Variants in LAG3 observed in about 807,000 individuals in gnomAD.
The protein encoded by LAG3 is lymphocyte activating 3, also known as lymphocyte activation gene 3 protein.
In LAG3, 29 loss-of-function variants were observed where a neutral mutation model predicts 49.0. The ratio of observed to expected loss-of-function variants is 0.59; its 90% confidence interval spans 0.44 to 0.81. The LOEUF is 0.81. Among genes scored for constraint, LAG3 ranks in the 30% least tolerant of loss-of-function variants. The probability of loss-of-function intolerance (pLI) is 0.00; values close to 1 mark genes in which losing one functional copy is unlikely to be tolerated. For missense variants in LAG3, 693 were observed against 695.2 expected, an observed-to-expected ratio of 1.00 and a Z score of 0.04; for synonymous variants, 320 against 297.3, an observed-to-expected ratio of 1.08 and a Z score of -0.79.
rs1565481991 is a variant in LAG3 at position 6,774,845 on chromosome 12, G to GTA, written c.765_766dup (p.Asn256IlefsTer14). On this transcript the variant is annotated frameshift_variant, in exon 4 of 8. Coordinates refer to ENST00000203629, the MANE Select transcript of LAG3 (RefSeq NM_002286.6). LOFTEE classifies it high-confidence loss of function. ...GAGATGGCTTCAACGTCTCCATCATGTATAACCTCACTGTTCTGGGTAACT... is the reference window on the plus strand; with the variant it reads ...GAGATGGCTTCAACGTCTCCATCATGTATATAACCTCACTGTTCTGGGTAACT... 5 of 1,613,920 alleles carry GTA rather than the reference G, an allele frequency of 3.1e-6. No homozygotes were observed. The highest frequency in any genetic ancestry group is 4.2e-6 in the Non-Finnish European group (5 of 1,179,862).
intron 4 of LAG3, 70 bp downstream of exon 4, chr12:6,774,934 A>G (rs1941889136): frequency 1.4e-6 from 2 of 1,450,382 alleles, no homozygotes; most frequent in South Asian, 1.3e-5. Flanking sequence ...TCCCCTAACT[A>G]TGGGTCCCCA....
chr12:6,773,115 G>T lies in LAG3; in HGVS notation c.59-77G>T. 6.6e-7 allele frequency: 1 copy of T among 1,521,750 alleles called. No homozygotes were observed. 94.3% of individuals were successfully genotyped at this position (1,521,750 alleles called of 1,614,324 possible). On this transcript the variant is annotated intron_variant, in intron 1 of 7. Coordinates refer to ENST00000203629, the MANE Select transcript of LAG3 (RefSeq NM_002286.6). This position sits in a 1 kb window ranked among gnomAD's most constrained non-coding sequence, Gnocchi z 5.5. ...TTCCTGCACCCTGTTTCTCCCTCGGGAAACACCCAGGCTCCTTCTCTACCC... is the reference window on the plus strand; with the variant it reads ...TTCCTGCACCCTGTTTCTCCCTCGGTAAACACCCAGGCTCCTTCTCTACCC...
At position 6,778,431 on chromosome 12, in the gene LAG3, CA is replaced by C; in HGVS notation, c.*44del. The C allele has an allele frequency of 6.3e-7, 1 of 1,591,330 alleles. No homozygotes were observed. Among genetic ancestry groups the C allele is most frequent in the Non-Finnish European group, 8.5e-7 (1 of 1,174,282 alleles). ...GCCAGCAGATCTCAGCAGCCCAGTC[CA>C]AATAAACTCCCTGTCAGCAGCAAGC... On this transcript the variant is annotated 3_prime_UTR_variant, in exon 8 of 8. Coordinates refer to ENST00000203629, the MANE Select transcript of LAG3 (RefSeq NM_002286.6).
chr12:6,774,787 A>G lies in LAG3; in HGVS notation c.704A>G (p.Asp235Gly). ...FLFLPQVSPMDSGPWGCILTY... is the reference protein window; with the variant it reads ...FLFLPQVSPMGSGPWGCILTY... ...TTCCTGCCCCAAGTCAGCCCCATGG[A>G]CTCTGGGCCCTGGGGCTGCATCCTC... The change falls in exon 4 of 8, where the codon GAC becomes GGC. Residue 235 changes from aspartate (D) to glycine (G), a missense_variant. Asp to Gly is a moderately conservative substitution (Grantham distance 94). Transcript: ENST00000203629. 6.2e-7 allele frequency: 1 copy of G among 1,613,528 alleles called. No individual in the cohort carries two copies. Among genetic ancestry groups the G allele is most frequent in the Non-Finnish European group, 8.5e-7 (1 of 1,179,708 alleles).
At chr12:6,774,896 A>C in intron 4 of LAG3, 32 bp downstream of exon 4, 1 of 1,587,596 alleles carries the variant, frequency 6.3e-7, no homozygotes, top group African/African-American at 1.3e-5. Context: ...ACATTTGACC[A>C]CAACTCCTTC....
chr12:6,772,772 A>AG lies in LAG3; in HGVS notation c.-81_-80insG. The AG allele has an allele frequency of 1.6e-6, 1 of 637,470 alleles. No individual in the cohort carries two copies. The highest frequency in any genetic ancestry group is 2.6e-6 in the Non-Finnish European group (1 of 383,864). 39.5% of individuals were successfully genotyped at this position (637,470 alleles called of 1,614,324 possible). On this transcript the variant is annotated 5_prime_UTR_variant, in exon 1 of 8. Transcript: ENST00000203629. The stretch of plus-strand genomic sequence containing the variant: ...TCCCTCTCTGCAGAACTTCTCCTTT[A>AG]CCCCCCACCCCCCACCACTGCCCCC...
chr12:6,775,129 T>G (rs1478982096), intron 4 of LAG3, 144 bp from the exon 5 acceptor site: 4 of 1,016,824 alleles, frequency 3.9e-6, no homozygotes, highest in Non-Finnish European at 5.8e-6. Context: ...CTGAGCCTCC[T>G]CAGCTCATCA....
rs779529189 is a variant in LAG3, at chr12:6,777,779, C to G, written c.1301-12C>G. ...TCCTGACCCTATGCCTCATCCTGTACTTTCTCCATAGGTGCCCAACGCTCT... is the reference window on the plus strand; with the variant it reads ...TCCTGACCCTATGCCTCATCCTGTAGTTTCTCCATAGGTGCCCAACGCTCT... On this transcript the variant is annotated splice_polypyrimidine_tract_variant and intron_variant, in intron 6 of 7. Transcript: ENST00000203629. 1 of 1,613,778 alleles carries G rather than the reference C, an allele frequency of 6.2e-7. No individual in the cohort carries two copies. Among genetic ancestry groups the G allele is most frequent in the Non-Finnish European group, 8.5e-7 (1 of 1,179,868 alleles).
In LAG3 at chr12:6,777,122, G is replaced by A. The variant is rs138292393; in HGVS notation, c.1058-142G>A. On this transcript the variant is annotated intron_variant, in intron 5 of 7. Coordinates refer to ENST00000203629, the MANE Select transcript of LAG3 (RefSeq NM_002286.6). Reference sequence around the variant, plus strand: ...AAATAGAAAGAAAAAGATGAACGTGGCCATGACCCATGATGTCCTTCCCCA... The same window carrying A: ...AAATAGAAAGAAAAAGATGAACGTGACCATGACCCATGATGTCCTTCCCCA... 6.3e-6 allele frequency: 5 copies of A among 796,726 alleles called. No homozygotes were observed. The East Asian group carries it at 7.3e-5, about 12-fold the overall frequency. The allele number at this position is 796,726 out of a possible 1,614,324, so 49.4% of individuals were successfully genotyped here.
chr12:6,778,231 T>A lies in LAG3; in HGVS notation c.1432-13T>A. The stretch of plus-strand genomic sequence containing the variant: ...CTTCCGCCCTCCGTCTCTCTCTCCA[T>A]CTCTTCTCACAGTGGCGACCAAGAC... On this transcript the variant is annotated splice_polypyrimidine_tract_variant and intron_variant, in intron 7 of 7. Coordinates refer to ENST00000203629, the MANE Select transcript of LAG3 (RefSeq NM_002286.6). 1 of 1,569,474 alleles carries A rather than the reference T, an allele frequency of 6.4e-7. No individual in the cohort carries two copies. Among genetic ancestry groups the A allele is most frequent in the East Asian group, 2.4e-5 (1 of 41,850 alleles).
chr12:6,773,887 T>A lies in LAG3; in HGVS notation c.397T>A (p.Ser133Thr), dbSNP rs1679294958. The A allele has an allele frequency of 2.9e-6, 4 of 1,395,390 alleles. No homozygotes were observed. The highest frequency in any genetic ancestry group is 7.1e-5 in the Admixed American group (2 of 28,288). 86.4% of individuals were successfully genotyped at this position (1,395,390 alleles called of 1,614,324 possible). ...DERGRQRGDF[S>T]LWLRPARRAD... ...GCGCGGCCGGCAGCGCGGGGACTTC[T>A]CGCTATGGCTGCGCCCAGCCCGGCG... Residue 133 changes from serine to threonine, a missense_variant, in exon 3 of 8, where the codon TCG becomes ACG. Physicochemically the swap from Ser to Thr is moderately conservative, Grantham distance 58 (BLOSUM62 1). Coordinates refer to ENST00000203629, the MANE Select transcript of LAG3 (RefSeq NM_002286.6). The surrounding 1 kb of genome is among the most constrained non-coding windows in gnomAD (Gnocchi z 5.5).
rs947948521 is a variant in LAG3 at position 6,775,379 on chromosome 12, C to T, written c.888C>T (p.Ala296=). The T allele has an allele frequency of 6.2e-6, 10 of 1,614,234 alleles. No individual in the cohort carries two copies. Among genetic ancestry groups the T allele is most frequent in the African/African-American group, 1.3e-5 (1 of 75,054 alleles). Residue 296 remains alanine, a synonymous_variant, in exon 5 of 8, where the codon GCC becomes GCT. Transcript: ENST00000203629. The part of the protein sequence containing the change: ...AGVGTRSFLT[A]KWTPPGGGPD... ...TGGGGACCCGGTCTTTCCTCACTGCCAAGTGGACTCCTCCTGGGGGAGGCC... is the reference window on the plus strand; with the variant it reads ...TGGGGACCCGGTCTTTCCTCACTGCTAAGTGGACTCCTCCTGGGGGAGGCC...
Position 6,772,783 on chromosome 12 carries a change from C to CCCCCCCCCT in LAG3, c.-68_-67insCCCCCCTCC. 1.8e-6 allele frequency: 2 copies of CCCCCCCCCT among 1,121,562 alleles called. No individual in the cohort carries two copies. Among genetic ancestry groups the CCCCCCCCCT allele is most frequent in the South Asian group, 1.3e-5 (1 of 75,960 alleles). 69.5% of individuals were successfully genotyped at this position (1,121,562 alleles called of 1,614,324 possible). ...AGAACTTCTCCTTTACCCCCCACCC[C>CCCCCCCCCT]CCACCACTGCCCCCTTTCCTTTTCT... On this transcript the variant is annotated 5_prime_UTR_variant, in exon 1 of 8. Transcript: ENST00000203629.
At chr12:6,774,264 G>A (rs934624560) in intron 3 of LAG3, among the ~76,000 whole-genome samples, 19 of 152,228 alleles carry the variant, frequency 1.2e-4, no homozygotes, top group Non-Finnish European at 2.4e-4. Context: ...GAGGGGGAGG[G>A]GGGGAGAGCA....
intron 5 of LAG3, chr12:6,775,851 G>A (rs952715388): frequency 4.2e-5 from 15 of 354,322 alleles, no homozygotes; most frequent in African/African-American, 1.7e-4. Context: ...TGAATGGTTC[G>A]AAAGAGGTAG....
chr12:6,772,552 G>C lies in LAG3; in HGVS notation c.-301G>C, dbSNP rs907864237. On this transcript the variant is annotated 5_prime_UTR_variant, in exon 1 of 8. Coordinates refer to ENST00000203629, the MANE Select transcript of LAG3 (RefSeq NM_002286.6). ...AGCAGAACGGCATCCCAGCCACGAC[G>C]GCCACTTTGCTCTGTCTGCTCTCCG... The C allele has an allele frequency of 5.9e-6, 2 of 337,694 alleles. No homozygotes were observed. Among genetic ancestry groups the C allele is most frequent in the Non-Finnish European group, 1.1e-5 (2 of 185,090 alleles). The allele number at this position is 337,694 out of a possible 1,614,324, so 20.9% of individuals were successfully genotyped here. A position where few individuals can be genotyped will look rare whatever the true frequency, so the allele number is the denominator to read the frequency against.
At chr12:6,776,406 T>G (rs1941908218) in intron 5 of LAG3, among the ~76,000 whole-genome samples, 1 of 152,226 alleles carries the variant, frequency 6.6e-6, no homozygotes, top group Non-Finnish European at 1.5e-5. Flanking sequence ...CAGTTCTTTC[T>G]GTCCAATGCC....
intron 4 of LAG3, 142 bp from the exon 5 acceptor site, chr12:6,775,131 A>AGGAG (rs1941891971): frequency 7.8e-6 from 8 of 1,019,596 alleles, no homozygotes; most frequent in East Asian, 2.4e-5. Context: ...GAGCCTCCTC[A>AGGAG]GCTCATCACC....
At position 6,773,504 on chromosome 12, in the gene LAG3, G is replaced by GACCCTC. The variant is rs1396425338; in HGVS notation, c.206+168_206+173dup. 6.6e-6 allele frequency among the ~76,000 whole-genome samples: 1 copy of GACCCTC among 152,178 alleles called. No homozygotes were observed. Among genetic ancestry groups the GACCCTC allele is most frequent in the Non-Finnish European group, 1.5e-5 (1 of 68,024 alleles). On this transcript the variant is annotated intron_variant, in intron 2 of 7. Transcript: ENST00000203629. The surrounding 1 kb of genome is among the most constrained non-coding windows in gnomAD (Gnocchi z 5.5). The stretch of plus-strand genomic sequence containing the variant: ...TTCCTGCCCTTGCTCTGCAATCAGC[G>GACCCTC]ACCCTCACGCCAGCATCCCTTCTCT...
Sources: gnomAD v4.1 joint callset for allele counts (sites outside exome capture counted in the v4.1 genomes callset) on GRCh38, gnomAD v4.1.1 for gene constraint, Gnocchi (gnomAD v3.1) non-coding constraint, MANE v1.5 for transcripts, NCBI Gene and HGNC (gene_info 2026-07-23, HGNC 2026-07-21) for gene names.